PHKB: variants seen among roughly 807,000 people sequenced by gnomAD.
PHKB encodes the protein phosphorylase kinase regulatory subunit beta.
Under a neutral mutation model 152.1 loss-of-function variants are expected in PHKB, and 122 were observed. The ratio of observed to expected loss-of-function variants is 0.80; its 90% CI spans 0.69 to 0.93. The LOEUF (loss-of-function observed/expected upper bound fraction) is 0.93. Ranked by LOEUF, PHKB falls within the 40% of genes least tolerant of loss-of-function variation. The pLI is 0.00. For missense variants in PHKB, 1,304 were observed against 1,328.4 expected (o/e 0.98, Z 0.29); for synonymous variants, 436 against 464.9 (o/e 0.94, Z 0.80).
chr16:47,491,033 T>G (rs1970142043), intron 1 of PHKB, among the ~76,000 whole-genome samples: 1 of 152,350 alleles, frequency 6.6e-6, no homozygotes, highest in East Asian at 1.9e-4. Flanking sequence ...ATTTTACTGT[T>G]CTTATACACC....
intron 13 of PHKB, among the ~76,000 whole-genome samples, chr16:47,606,003 G>T (rs1972316825): frequency 6.6e-6 from 1 of 152,160 alleles, no homozygotes; most frequent in Non-Finnish European, 1.5e-5. Context: ...AAGTGATAAG[G>T]TTGTTGTGAG....
At chr16:47,590,745 A>G (rs1972015008) in intron 10 of PHKB, 1 of 151,520 alleles carries the variant, frequency 6.6e-6, no homozygotes, top group Admixed American at 6.6e-5. Flanking sequence ...AAGCCACAGC[A>G]CTGTGGGTAG....
chr16:47,470,214 G>T (rs1257278195), intron 1 of PHKB, among the ~76,000 whole-genome samples: 1 of 152,180 alleles, frequency 6.6e-6, no homozygotes, highest in Non-Finnish European at 1.5e-5. Context: ...ATTTACCCAC[G>T]TATTTATTCA....
intron 16 of PHKB, among the ~76,000 whole-genome samples, chr16:47,644,029 G>A (rs562135563): frequency 1.3e-5 from 2 of 151,912 alleles, no homozygotes; most frequent in Non-Finnish European, 2.9e-5. Context: ...GGAATGTGGG[G>A]AGCACTAAAT....
At chr16:47,594,782 A>C (rs1180253299) in intron 12 of PHKB, among the ~76,000 whole-genome samples, 1 of 152,224 alleles carries the variant, frequency 6.6e-6, no homozygotes, top group Non-Finnish European at 1.5e-5. Flanking sequence ...GGACCCTCAA[A>C]AAACATAGCT....
intron 15 of PHKB, 120 bp from the exon 16 acceptor site, chr16:47,641,479 A>ACTAACAAAT (rs1389851941): frequency 1.4e-6 from 1 of 691,466 alleles, no homozygotes; most frequent in Non-Finnish European, 2.6e-6. Flanking sequence ...AATTGCTAAT[A>ACTAACAAAT]CTAACAAATT....
At chr16:47,648,183 G>A (rs561642418) in intron 16 of PHKB, among the ~76,000 whole-genome samples, 6 of 152,108 alleles carry the variant, frequency 3.9e-5, no homozygotes, top group South Asian at 2.1e-4. Context: ...TATGGCCCTC[G>A]TTTTTAAAAT....
chr16:47,697,931 C>G (rs1974178150), intron 29 of PHKB, among the ~76,000 whole-genome samples: 1 of 152,150 alleles, frequency 6.6e-6, no homozygotes, highest in Non-Finnish European at 1.5e-5. Flanking sequence ...AAAACATGGC[C>G]ATCCCTTGAG....
intron 7 of PHKB, among the ~76,000 whole-genome samples, chr16:47,569,674 C>T (rs927507582): frequency 6.6e-5 from 10 of 152,160 alleles, no homozygotes; most frequent in Non-Finnish European, 1.3e-4. Flanking sequence ...GGCTGGAGTG[C>T]AGTGGCATGA....
intron 6 of PHKB, 42 bp downstream of exon 6, chr16:47,515,643 GA>G: frequency 1.2e-6 from 1 of 828,452 alleles, no homozygotes; most frequent in South Asian, 1.4e-5. Flanking sequence ...TTTCACCTCT[GA>G]AAATATCTAT....
At chr16:47,642,686 A>G (rs1357601251) in intron 16 of PHKB, among the ~76,000 whole-genome samples, 11 of 152,152 alleles carry the variant, frequency 7.2e-5, no homozygotes, top group Non-Finnish European at 1.6e-4. Flanking sequence ...GGACTCCAGT[A>G]TCAGGCCTGG....
Position 47,700,670 on chromosome 16 carries a change from A to C in PHKB, c.*1304A>C, listed in dbSNP as rs1467771837. 3 of 152,130 alleles carry C rather than the reference A, an allele frequency of 2.0e-5. No homozygotes were observed. The highest frequency in any genetic ancestry group is 4.4e-5 in the Non-Finnish European group (3 of 68,028). The allele number at this position is 152,130 out of a possible 1,614,324, so 9.4% of individuals were successfully genotyped here. On this transcript the variant is annotated 3_prime_UTR_variant, in exon 31 of 31. Transcript: ENST00000323584. ...AATTTTATTTCTTTCCTAAATAGAA[A>C]AAAAAAAGGCCCATGAGTTTGAGCC... is the stretch of plus-strand genomic sequence containing the variant.
intron 6 of PHKB, among the ~76,000 whole-genome samples, chr16:47,528,464 A>AG (rs1252885516): frequency 6.6e-6 from 1 of 152,246 alleles, no homozygotes; most frequent in East Asian, 1.9e-4. Context: ...AAATAGGAAA[A>AG]GCTCCTCAAT....
At chr16:47,474,423 G>A (rs1018263473) in intron 1 of PHKB, among the ~76,000 whole-genome samples, 1 of 152,146 alleles carries the variant, frequency 6.6e-6, no homozygotes. Flanking sequence ...TCTGGGATTG[G>A]GCTGTTGAGC....
At chr16:47,615,989 T>G (rs1597126267) in intron 14 of PHKB, among the ~76,000 whole-genome samples, 1 of 152,358 alleles carries the variant, frequency 6.6e-6, no homozygotes, top group East Asian at 1.9e-4. Flanking sequence ...GAACCAATTT[T>G]AGAACATTTG....
chr16:47,595,275 A>T (rs1567319968), intron 12 of PHKB, among the ~76,000 whole-genome samples: 1 of 152,186 alleles, frequency 6.6e-6, no homozygotes, highest in Non-Finnish European at 1.5e-5. Flanking sequence ...TCTGTATATC[A>T]TAGACCTTCT....
At position 47,641,620 on chromosome 16, in the gene PHKB, A is replaced by G. The variant is rs143688069; in HGVS notation, c.1536A>G (p.Thr512=). 23 of 1,590,936 alleles carry G rather than the reference A, an allele frequency of 1.4e-5. No homozygotes were observed. Among genetic ancestry groups the G allele is most frequent in the Middle Eastern group, 3.3e-4 (2 of 6,042 alleles). The part of the protein sequence containing the change: ...ESQRLQVFLN[T]YGIQTQTPQQ... The stretch of plus-strand genomic sequence containing the variant: ...TTAGACTTCAAGTTTTTCTGAACAC[A>G]TATGGTATTCAAACTCAAACTCCTC... The change falls in exon 16 of 31, where the codon ACA becomes ACG. Residue 512 remains threonine (T), a synonymous_variant. Transcript: ENST00000323584.
chr16:47,586,973 T>C (rs1251956902), intron 8 of PHKB, among the ~76,000 whole-genome samples: 3 of 152,028 alleles, frequency 2.0e-5, no homozygotes, highest in Admixed American at 6.6e-5. Flanking sequence ...ATAAAAAATA[T>C]ATATATGGGG....
chr16:47,510,115 A>G (rs969750386), intron 4 of PHKB, among the ~76,000 whole-genome samples: 3 of 152,228 alleles, frequency 2.0e-5, no homozygotes, highest in Non-Finnish European at 4.4e-5. Flanking sequence ...GGTCCTGAGC[A>G]CAGGATCATC....
Sources: allele counts gnomAD v4.1 joint callset (sites outside exome capture counted in the v4.1 genomes callset), GRCh38; gene constraint gnomAD v4.1.1; transcripts MANE v1.5; gene names NCBI Gene and HGNC (gene_info 2026-07-23, HGNC 2026-07-21).